Variants in DOK6 observed in about 807,000 individuals in gnomAD.
DOK6 encodes docking protein 6.
In DOK6, 22 loss-of-function variants were observed where a neutral mutation model predicts 44.0. That is an observed-to-expected ratio of 0.50 (90% CI 0.36 to 0.71). The LOEUF (loss-of-function observed/expected upper bound fraction) is 0.71, where lower values mean the gene tolerates loss of function less well. Among genes scored for constraint, DOK6 ranks in the 30% least tolerant of loss-of-function variants. The probability of loss-of-function intolerance (pLI) is 0.00; values close to 1 mark genes in which losing one functional copy is unlikely to be tolerated. For synonymous variants in DOK6, 166 were observed against 145.5 expected (o/e 1.14, Z -1.01); for missense variants, 340 against 416.4 (o/e 0.82, Z 1.60).
intron 2 of DOK6, among the ~76,000 whole-genome samples, chr18:69,568,350 G>A (rs1983035872): frequency 6.6e-6 from 1 of 152,200 alleles, no homozygotes; most frequent in South Asian, 2.1e-4. Context: ...CATGCAGGAT[G>A]TTTACCTCGG....
chr18:69,407,154 A>G (rs1916221029), intron 1 of DOK6, among the ~76,000 whole-genome samples: 1 of 152,258 alleles, frequency 6.6e-6, no homozygotes, highest in African/African-American at 2.4e-5. Flanking sequence ...TTTATTAGTT[A>G]GCATTGCCCT....
At chr18:69,524,470 T>A (rs1159818466) in intron 1 of DOK6, among the ~76,000 whole-genome samples, 2 of 151,982 alleles carry the variant, frequency 1.3e-5, no homozygotes, top group Admixed American at 6.6e-5. Context: ...AATACAGTAG[T>A]ACGTACAGTG....
chr18:69,501,838 A>G (rs945558275), intron 1 of DOK6, among the ~76,000 whole-genome samples: 1 of 152,158 alleles, frequency 6.6e-6, no homozygotes, highest in African/African-American at 2.4e-5. Flanking sequence ...AGGTTAGAAT[A>G]TTAGAACTTC....
At chr18:69,463,011 T>G (rs1396947320) in intron 1 of DOK6, among the ~76,000 whole-genome samples, 2 of 152,232 alleles carry the variant, frequency 1.3e-5, no homozygotes, top group Non-Finnish European at 2.9e-5. Flanking sequence ...GTGACTGTCT[T>G]AGTCCATTTG....
intron 7 of DOK6, 35 bp downstream of exon 7, chr18:69,757,908 A>T (rs995831598): frequency 6.4e-7 from 1 of 1,554,470 alleles, no homozygotes; most frequent in Admixed American, 1.7e-5. Flanking sequence ...CAGTGCCTCC[A>T]TAAGCTTCCT....
chr18:69,508,486 T>A (rs1424664543), intron 1 of DOK6, among the ~76,000 whole-genome samples: 1 of 152,200 alleles, frequency 6.6e-6, no homozygotes, highest in Non-Finnish European at 1.5e-5. Context: ...ACCTTTCCAA[T>A]TTTGTTGGAA....
At chr18:69,528,800 G>A (rs1234513457) in intron 1 of DOK6, among the ~76,000 whole-genome samples, 2 of 152,150 alleles carry the variant, frequency 1.3e-5, no homozygotes, top group Non-Finnish European at 2.9e-5. Context: ...TATTTAAACA[G>A]CATCACTTTA....
At chr18:69,589,067 T>G (rs929227388) in intron 2 of DOK6, among the ~76,000 whole-genome samples, 7 of 152,002 alleles carry the variant, frequency 4.6e-5, no homozygotes, top group African/African-American at 1.7e-4. Flanking sequence ...TACTGGAAAA[T>G]TGATATAAAT....
At chr18:69,457,247 T>G (rs576763554) in intron 1 of DOK6, among the ~76,000 whole-genome samples, 12 of 152,314 alleles carry the variant, frequency 7.9e-5, no homozygotes, top group African/African-American at 2.9e-4. Flanking sequence ...GAAGGCTATT[T>G]GCTAGGTTTT....
chr18:69,507,562 T>C (rs1446005201), intron 1 of DOK6, among the ~76,000 whole-genome samples: 1 of 152,184 alleles, frequency 6.6e-6, no homozygotes, highest in East Asian at 1.9e-4. Flanking sequence ...CTTTTATTTC[T>C]TTCATCAACA....
intron 7 of DOK6, among the ~76,000 whole-genome samples, chr18:69,823,341 G>A (rs574464091): frequency 6.6e-6 from 1 of 152,312 alleles, no homozygotes; most frequent in East Asian, 1.9e-4. Context: ...AGGTTGGGCA[G>A]GATGGTGGGG....
At position 69,527,999 on chromosome 18, in the gene DOK6, TA is replaced by T. The variant is rs368127496; in HGVS notation, c.67-36483del. 8.6e-5 allele frequency among the ~76,000 whole-genome samples: 13 copies of T among 151,940 alleles called. No homozygotes were observed. The East Asian group carries it at 1.7e-3, about 20-fold the overall frequency. ...TAACATGGTGAAACCCTGTCTCTAC[TA>T]AAAATACAAAAAATTAGCCGGGCAT... On this transcript the variant is annotated intron_variant, in intron 1 of 7. Transcript: ENST00000382713.
At chr18:69,613,530 GAAAT>G (rs1984213452) in intron 3 of DOK6, among the ~76,000 whole-genome samples, 1 of 151,890 alleles carries the variant, frequency 6.6e-6, no homozygotes, top group Non-Finnish European at 1.5e-5. Context: ...TAAATGAAGA[GAAAT>G]AAAGGGAAAT....
chr18:69,759,832 T>TTC (rs143022751), intron 7 of DOK6, among the ~76,000 whole-genome samples: 3,212 of 152,350 alleles, frequency 0.021, 47 homozygotes, highest in Middle Eastern at 0.075. Flanking sequence ...TATTTCATGT[T>TTC]TCTCTGGTTG....
rs116763007 is a variant in DOK6, at chr18:69,508,221, A to G, written c.67-56266A>G. Among the ~76,000 whole-genome samples, 523 of 152,140 alleles carry G rather than the reference A, an allele frequency of 3.4e-3. 1 individual carries two copies. Among genetic ancestry groups the G allele is most frequent in the African/African-American group, 0.012 (508 of 41,520 alleles). ...CTGGAAGAAATTCCACTTGGTTATG[A>G]TGGGTTGTGCATTTTGTATGTTGTT... is the stretch of plus-strand genomic sequence containing the variant. On this transcript the variant is annotated intron_variant, in intron 1 of 7. Transcript: ENST00000382713.
At chr18:69,415,917 C>T (rs960039388) in intron 1 of DOK6, among the ~76,000 whole-genome samples, 1 of 152,010 alleles carries the variant, frequency 6.6e-6, no homozygotes, top group African/African-American at 2.4e-5. Flanking sequence ...TTCATATAAA[C>T]ATTTCCAGTG....
intron 1 of DOK6, chr18:69,483,935 G>T (rs533297431): frequency 4.6e-5 from 7 of 151,948 alleles, no homozygotes; most frequent in Non-Finnish European, 8.8e-5. Context: ...AACTGGGTTT[G>T]TTCGTTTGAA....
chr18:69,627,639 C>G (rs940781117), intron 3 of DOK6, among the ~76,000 whole-genome samples: 2 of 151,926 alleles, frequency 1.3e-5, no homozygotes, highest in African/African-American at 4.8e-5. Context: ...TTAGTAGAGA[C>G]GGGGTTTCAC....
chr18:69,732,509 T>A (rs1051908253), intron 5 of DOK6, among the ~76,000 whole-genome samples: 14 of 152,198 alleles, frequency 9.2e-5, no homozygotes, highest in African/African-American at 3.1e-4. Flanking sequence ...TATATGTATA[T>A]ATTTTCAAAG....
Sources: gnomAD v4.1 joint callset for allele counts (sites outside exome capture counted in the v4.1 genomes callset) on GRCh38, gnomAD v4.1.1 for gene constraint, MANE v1.5 for transcripts, NCBI Gene and HGNC (gene_info 2026-07-23, HGNC 2026-07-21) for gene names.